The following KMT5A variants were observed in gnomAD, a reference collection of about 807,000 sequenced individuals.
KMT5A encodes lysine methyltransferase 5A, also known as N-lysine methyltransferase KMT5A.
Under a neutral mutation model 40.6 loss-of-function variants are expected in KMT5A, and 6 were observed. The ratio of observed to expected loss-of-function variants is 0.15; its 90% CI spans 0.08 to 0.29. The LOEUF (loss-of-function observed/expected upper bound fraction) is 0.29. KMT5A is among the 10% of genes least tolerant of loss of function. The pLI is 1.00. For synonymous variants in KMT5A, 153 were observed against 178.8 expected (o/e 0.86, Z 1.15); for missense variants, 308 against 459.1 (o/e 0.67, Z 3.01).
chr12:123,398,731 A>G (rs754491660), intron 5 of KMT5A, among the ~76,000 whole-genome samples: 1 of 152,190 alleles, frequency 6.6e-6, no homozygotes, highest in Non-Finnish European at 1.5e-5. Context: ...AGAGCTGGTC[A>G]GGGTGGAATA....
intron 5 of KMT5A, among the ~76,000 whole-genome samples, chr12:123,399,211 C>A (rs981003379): frequency 3.3e-5 from 5 of 152,272 alleles, no homozygotes; most frequent in African/African-American, 1.2e-4. Flanking sequence ...GCTGATTCCG[C>A]TTGGGAAGGT....
intron 5 of KMT5A, among the ~76,000 whole-genome samples, chr12:123,401,861 C>T (rs763664414): frequency 1.3e-5 from 2 of 151,926 alleles, no homozygotes; most frequent in Non-Finnish European, 2.9e-5. Flanking sequence ...GGATGACAGA[C>T]GTGAGCCACC....
intron 5 of KMT5A, among the ~76,000 whole-genome samples, chr12:123,403,167 T>C (rs1391727132): frequency 6.6e-6 from 1 of 152,240 alleles, no homozygotes; most frequent in Non-Finnish European, 1.5e-5. Context: ...CCTCCCGAAG[T>C]GTTGCGATTA....
Position 123,408,909 on chromosome 12 carries a change from G to C in KMT5A, c.*1206G>C, listed in dbSNP as rs571054284. ...GCAGCCCCCAGGAATCAAGGATAGG[G>C]CTAAGGTTTTCACCTTAACTGTGAA... is the stretch of plus-strand genomic sequence containing the variant. On this transcript the variant is annotated 3_prime_UTR_variant, in exon 8 of 8. Transcript: ENST00000402868. 2 of 152,730 alleles carry C rather than the reference G, an allele frequency of 1.3e-5. No homozygotes were observed. The highest frequency in any genetic ancestry group is 4.8e-5 in the African/African-American group (2 of 41,568). The allele number at this position is 152,730 out of a possible 1,614,324, so 9.5% of individuals were successfully genotyped here.
intron 5 of KMT5A, among the ~76,000 whole-genome samples, chr12:123,403,173 G>A (rs1451645215): frequency 1.3e-5 from 2 of 152,246 alleles, no homozygotes; most frequent in African/African-American, 2.4e-5. Context: ...GAAGTGTTGC[G>A]ATTACAGGCG....
At chr12:123,403,172 C>G (rs550119298) in intron 5 of KMT5A, among the ~76,000 whole-genome samples, 4 of 152,294 alleles carry the variant, frequency 2.6e-5, no homozygotes, top group East Asian at 1.9e-4. Flanking sequence ...CGAAGTGTTG[C>G]GATTACAGGC....
intron 1 of KMT5A, 30 bp from the exon 2 acceptor site, chr12:123,389,403 C>T (rs1362730312): frequency 6.7e-6 from 7 of 1,041,308 alleles, no homozygotes; most frequent in Admixed American, 5.7e-5. Flanking sequence ...AGCGCCCCCT[C>T]CCCCGCTTCC....
At chr12:123,401,438 C>CT (rs199733053) in intron 5 of KMT5A, among the ~76,000 whole-genome samples, 37 of 148,414 alleles carry the variant, frequency 2.5e-4, no homozygotes, top group South Asian at 2.1e-3. Flanking sequence ...GTATATCTTT[C>CT]TTTTTTTTTT....
chr12:123,390,467 C>G (rs915300526), intron 2 of KMT5A, among the ~76,000 whole-genome samples, 163 bp from the exon 3 acceptor site: 1 of 152,174 alleles, frequency 6.6e-6, no homozygotes, highest in African/African-American at 2.4e-5. Context: ...GGATTCTAAA[C>G]CTGCCAGTGC....
intron 1 of KMT5A, among the ~76,000 whole-genome samples, chr12:123,386,413 G>A (rs901188986): frequency 2.0e-5 from 3 of 151,794 alleles, no homozygotes; most frequent in Non-Finnish European, 2.9e-5. Context: ...ACGGGGTTTC[G>A]CCATGTTGGC....
chr12:123,408,501 AAAT>A lies in KMT5A; in HGVS notation c.*801_*803del, dbSNP rs1482296487. 1.4e-5 allele frequency: 2 copies of A among 147,876 alleles called. No individual in the cohort carries two copies. Among genetic ancestry groups the A allele is most frequent in the African/African-American group, 2.6e-5 (1 of 38,006 alleles). The allele number at this position is 147,876 out of a possible 1,614,324, so 9.2% of individuals were successfully genotyped here. On this transcript the variant is annotated 3_prime_UTR_variant, in exon 8 of 8. Transcript: ENST00000402868. The stretch of plus-strand genomic sequence containing the variant: ...AATAATAAAAATTTAAAAAAATTAA[AAAT>A]AAAAAAAACCACAGAAAACAACTTT...
chr12:123,392,414 T>C (rs1397628934), intron 3 of KMT5A, among the ~76,000 whole-genome samples: 1 of 152,116 alleles, frequency 6.6e-6, no homozygotes, highest in Non-Finnish European at 1.5e-5. Flanking sequence ...TTCCAGCACT[T>C]TGGTAGGCCA....
At chr12:123,395,840 G>T (rs181352727) in intron 4 of KMT5A, among the ~76,000 whole-genome samples, 279 of 152,118 alleles carry the variant, frequency 1.8e-3, no homozygotes, top group Non-Finnish European at 3.5e-3. Context: ...TGGGATTACA[G>T]GCGTGAACCA....
At chr12:123,398,773 G>A (rs575213267) in intron 5 of KMT5A, among the ~76,000 whole-genome samples, 3 of 152,224 alleles carry the variant, frequency 2.0e-5, no homozygotes, top group African/African-American at 4.8e-5. Context: ...GCCCAAGAAC[G>A]GGACAGCTGG....
intron 5 of KMT5A, among the ~76,000 whole-genome samples, chr12:123,399,396 C>T (rs1877979677): frequency 6.6e-6 from 1 of 152,242 alleles, no homozygotes; most frequent in South Asian, 2.1e-4. Context: ...CTCAGCCTCC[C>T]TGGCTTTGTG....
intron 5 of KMT5A, among the ~76,000 whole-genome samples, chr12:123,397,393 G>A (rs1295657302): frequency 2.0e-5 from 3 of 152,184 alleles, no homozygotes; most frequent in African/African-American, 7.2e-5. Flanking sequence ...AGAGAGGTGG[G>A]GACCCCGGCT....
At position 123,396,744 on chromosome 12, in the gene KMT5A, A is replaced by G. The variant is rs932074988; in HGVS notation, c.597+312A>G. On this transcript the variant is annotated intron_variant, in intron 5 of 7. Coordinates refer to ENST00000402868, the MANE Select transcript of KMT5A (RefSeq NM_020382.7). ...TTTTCCAGGACTTGTTGGCAGAGCC[A>G]TTGGGAGCCTGGGACTGTGGGAAAG... Among the ~76,000 whole-genome samples, 5 of 152,320 alleles carry G rather than the reference A, an allele frequency of 3.3e-5. No individual in the cohort carries two copies. In the South Asian group the frequency reaches 6.2e-4, roughly 19 times the overall value.
At position 123,390,781 on chromosome 12, in the gene KMT5A, G is replaced by A; in HGVS notation, c.284G>A (p.Arg95Gln). ...CCATTAGCCGGAATCTACAGGAAACGAGAAGGTAAGCTTTTGAAATGGCCT... is the reference window on the plus strand; with the variant it reads ...CCATTAGCCGGAATCTACAGGAAACAAGAAGGTAAGCTTTTGAAATGGCCT... ...GKPLAGIYRKREEKRNAGNAV... is the reference protein window; with the variant it reads ...GKPLAGIYRKQEEKRNAGNAV... The change falls in exon 3 of 8, where the codon CGA becomes CAA. Residue 95 changes from arginine to glutamine, a missense_variant. Around this residue, in one of 4 missense-constraint regions of KMT5A, gnomAD observed 127 missense variants for 129.8 expected, o/e 0.98. Transcript: ENST00000402868. 6 of 1,613,784 alleles carry A rather than the reference G, an allele frequency of 3.7e-6. No homozygotes were observed. Among genetic ancestry groups the A allele is most frequent in the Non-Finnish European group, 5.1e-6 (6 of 1,179,788 alleles).
intron 7 of KMT5A, among the ~76,000 whole-genome samples, chr12:123,407,149 G>A (rs138269224): frequency 6.6e-6 from 1 of 151,812 alleles, no homozygotes; most frequent in African/African-American, 2.4e-5. Flanking sequence ...ACCAGCCTGA[G>A]CAATATAGGG....
Sources: gnomAD v4.1 joint callset for allele counts (sites outside exome capture counted in the v4.1 genomes callset) on GRCh38, gnomAD v4.1.1 for gene constraint, gnomAD v4.1.1 regional missense constraint, MANE v1.5 for transcripts, NCBI Gene and HGNC (gene_info 2026-07-23, HGNC 2026-07-21) for gene names.